The following OSBPL10 variants were observed in gnomAD, a reference collection of about 807,000 sequenced individuals.
OSBPL10 encodes oxysterol binding protein like 10.
A neutral mutation model predicts 81.7 loss-of-function variants in OSBPL10; 49 were observed. The observed-to-expected ratio is 0.60, with a 90% confidence interval of 0.48 to 0.76. The LOEUF (loss-of-function observed/expected upper bound fraction) is 0.76, where lower values mean the gene tolerates loss of function less well. Ranked by LOEUF, OSBPL10 falls within the 30% of genes least tolerant of loss-of-function variation. The pLI, the probability that OSBPL10 is intolerant of heterozygous loss-of-function variation, is 0.00. For synonymous variants in OSBPL10, 419 were observed against 383.6 expected (o/e 1.09, Z -1.08); for missense variants, 923 against 987.8 (o/e 0.93, Z 0.88).
chr3:32,031,871 A>C (rs1421368489), intron 2 of OSBPL10, among the ~76,000 whole-genome samples: 1 of 152,224 alleles, frequency 6.6e-6, no homozygotes, highest in African/African-American at 2.4e-5. Context: ...TTTCCTCTTA[A>C]AAGCAATGAG....
chr3:31,872,622 C>CTTTTTT (rs71097452), intron 3 of OSBPL10, among the ~76,000 whole-genome samples: 1 of 127,870 alleles, frequency 7.8e-6, no homozygotes, highest in African/African-American at 3.0e-5. Flanking sequence ...AATTCAAAAG[C>CTTTTTT]TTTTTTTTTT....
At chr3:31,694,200 A>G (rs1695641181) in intron 7 of OSBPL10, among the ~76,000 whole-genome samples, 1 of 152,012 alleles carries the variant, frequency 6.6e-6, no homozygotes, top group African/African-American at 2.4e-5. Flanking sequence ...GTGAAACCTC[A>G]TCTCTACTAA....
At chr3:31,760,484 C>T (rs1559452855) in intron 4 of OSBPL10, among the ~76,000 whole-genome samples, 1 of 152,208 alleles carries the variant, frequency 6.6e-6, no homozygotes, top group Non-Finnish European at 1.5e-5. Flanking sequence ...CTCTAAATTG[C>T]TTATGACACC....
intron 3 of OSBPL10, among the ~76,000 whole-genome samples, chr3:31,840,985 C>T (rs1575577655): frequency 6.6e-6 from 1 of 152,132 alleles, no homozygotes; most frequent in Admixed American, 6.6e-5. Context: ...CTCGGCTCAC[C>T]ACAACCTCCG....
intron 6 of OSBPL10, among the ~76,000 whole-genome samples, chr3:31,723,817 G>T (rs924742517): frequency 6.6e-6 from 1 of 152,114 alleles, no homozygotes; most frequent in Non-Finnish European, 1.5e-5. Context: ...ATCTCTGAGC[G>T]TTGACTTTCC....
chr3:32,028,914 G>T (rs1699440622), intron 2 of OSBPL10, among the ~76,000 whole-genome samples: 1 of 132,490 alleles, frequency 7.5e-6, no homozygotes, highest in African/African-American at 2.8e-5. Context: ...TGTTACAGTA[G>T]GTAGCTAGTC....
chr3:31,774,981 AC>A (rs1698511477), intron 4 of OSBPL10, among the ~76,000 whole-genome samples: 2 of 151,348 alleles, frequency 1.3e-5, no homozygotes, highest in Non-Finnish European at 2.9e-5. Context: ...AGCCTGGCCA[AC>A]ATGGTGAAAC....
At chr3:31,806,185 G>A (rs1182966186) in intron 4 of OSBPL10, among the ~76,000 whole-genome samples, 1 of 152,128 alleles carries the variant, frequency 6.6e-6, no homozygotes, top group African/African-American at 2.4e-5. Context: ...TGCAGGGAAG[G>A]AGGACCCGAG....
rs139522520 is a variant in OSBPL10, at chr3:31,689,798, C to T, written c.1246-5684G>A. Among the ~76,000 whole-genome samples the T allele has an allele frequency of 6.7e-3, 1,023 of 152,238 alleles. 17 individuals carry two copies. The highest frequency in any genetic ancestry group is 0.023 in the African/African-American group (961 of 41,548). ...TTCTGCCATGATTGTGAGGCCTCCC[C>T]AGCCATTTGGAACTATAAGTCCGTT... On this transcript the variant is annotated intron_variant, in intron 7 of 11. Coordinates refer to ENST00000396556, the MANE Select transcript of OSBPL10 (RefSeq NM_017784.5).
chr3:31,819,099 T>G (rs961604507), intron 4 of OSBPL10, among the ~76,000 whole-genome samples: 1 of 152,234 alleles, frequency 6.6e-6, no homozygotes, highest in African/African-American at 2.4e-5. Context: ...GAATGTCTCC[T>G]CACCTTCACA....
At chr3:31,674,863 C>A (rs779605902) in intron 8 of OSBPL10, among the ~76,000 whole-genome samples, 3 of 152,210 alleles carry the variant, frequency 2.0e-5, no homozygotes, top group Non-Finnish European at 4.4e-5. Context: ...CCCATCCTCT[C>A]GAGTGTACTG....
At chr3:31,721,053 G>A (rs1696628772) in intron 6 of OSBPL10, among the ~76,000 whole-genome samples, 1 of 152,062 alleles carries the variant, frequency 6.6e-6, no homozygotes, top group Non-Finnish European at 1.5e-5. Flanking sequence ...AATCACAAGG[G>A]CCCTTAAGAG....
chr3:31,708,464 C>G (rs1320483544), intron 6 of OSBPL10, among the ~76,000 whole-genome samples: 3 of 152,224 alleles, frequency 2.0e-5, no homozygotes, highest in Non-Finnish European at 4.4e-5. Context: ...ATAGCCACAT[C>G]TGAAGATCCA....
intron 1 of OSBPL10, among the ~76,000 whole-genome samples, chr3:31,980,298 G>A (rs1352057437): frequency 6.6e-6 from 1 of 152,096 alleles, no homozygotes; most frequent in African/African-American, 2.4e-5. Flanking sequence ...CACCGCGCCC[G>A]GCCTCTTTCT....
intron 5 of OSBPL10, among the ~76,000 whole-genome samples, chr3:31,736,273 G>A (rs1241708575): frequency 6.6e-6 from 1 of 152,096 alleles, no homozygotes; most frequent in Admixed American, 6.5e-5. Context: ...AAAATGGTCA[G>A]GATGATGCAT....
chr3:31,966,189 G>C (rs1256949636), intron 1 of OSBPL10, among the ~76,000 whole-genome samples: 1 of 132,000 alleles, frequency 7.6e-6, no homozygotes, highest in Non-Finnish European at 1.6e-5. Flanking sequence ...GTGTGTGTGT[G>C]TGTGTATTCA....
intron 10 of OSBPL10, among the ~76,000 whole-genome samples, chr3:31,665,065 A>G (rs913483825): frequency 2.5e-4 from 38 of 151,618 alleles, no homozygotes; most frequent in South Asian, 6.3e-4. Context: ...GACTACTTGG[A>G]AAAAAAAAGC....
chr3:31,707,081 A>G (rs1459327937), intron 6 of OSBPL10: 5 of 152,178 alleles, frequency 3.3e-5, no homozygotes, highest in Admixed American at 1.3e-4. Flanking sequence ...TTATAACCTA[A>G]TATCTTAATT....
chr3:32,036,722 C>T (rs1267159060), intron 2 of OSBPL10, among the ~76,000 whole-genome samples: 1 of 151,786 alleles, frequency 6.6e-6, no homozygotes, highest in African/African-American at 2.4e-5. Context: ...CTTTGGGAGT[C>T]TGAGGCAGGA....
Sources: gnomAD v4.1 joint callset for allele counts (sites outside exome capture counted in the v4.1 genomes callset) on GRCh38, gnomAD v4.1.1 for gene constraint, MANE v1.5 for transcripts, NCBI Gene and HGNC (gene_info 2026-07-23, HGNC 2026-07-21) for gene names.